ARHGEF40: variants seen among roughly 807,000 people sequenced by gnomAD.
ARHGEF40 encodes the protein Rho guanine nucleotide exchange factor 40.
Under a neutral mutation model 165.9 loss-of-function variants are expected in ARHGEF40, and 98 were observed. The observed-to-expected ratio is 0.59, with a 90% confidence interval of 0.50 to 0.70. The LOEUF (loss-of-function observed/expected upper bound fraction) is 0.70. Ranked by LOEUF, ARHGEF40 falls within the 30% of genes least tolerant of loss-of-function variation. The probability of loss-of-function intolerance (pLI) is 0.00; values close to 1 mark genes in which losing one functional copy is unlikely to be tolerated. For synonymous variants in ARHGEF40, 792 were observed against 814.3 expected (o/e 0.97, Z 0.47); for missense variants, 1,815 against 1,968.0 (o/e 0.92, Z 1.47).
upstream of ARHGEF40, chr14:21,070,210 A>C: frequency 2.8e-6 from 1 of 351,478 alleles, no homozygotes; most frequent in Non-Finnish European, 4.3e-6. The surrounding 1 kb of genome is among the most constrained non-coding windows in gnomAD (Gnocchi z 4.7). Flanking sequence ...CGGGGCGGGG[A>C]GGGGCGGCCG....
intron 12 of ARHGEF40, 38 bp downstream of exon 12, chr14:21,080,820 G>A: frequency 1.2e-6 from 2 of 1,603,570 alleles, no homozygotes; most frequent in East Asian, 2.2e-5. Flanking sequence ...AGGAGGCAGG[G>A]GGAGACTACC....
rs549325811 is a variant in ARHGEF40 at position 21,088,889 on chromosome 14, C to T, written c.*5+13C>T. On this transcript the variant is annotated intron_variant, in intron 23 of 23. Coordinates refer to ENST00000298694, the MANE Select transcript of ARHGEF40 (RefSeq NM_018071.5). ...CTCTGTGACCTGGGTGAGTCAGCAT[C>T]CCCAATTTCTACCACATCCAGCACT... 1.9e-6 allele frequency: 3 copies of T among 1,611,268 alleles called. No individual in the cohort carries two copies. The highest frequency in any genetic ancestry group is 2.2e-5 in the East Asian group (1 of 44,700).
chr14:21,069,695 T>C (rs1222472440), upstream of ARHGEF40, among the ~76,000 whole-genome samples: 1 of 152,048 alleles, frequency 6.6e-6, no homozygotes, highest in Non-Finnish European at 1.5e-5. Flanking sequence ...CCCGAGGAGA[T>C]GGAGGGAAAG....
rs747969167 is a variant in ARHGEF40, at chr14:21,085,838, GCTGTGGAGACAGGCAGCC to G, written c.4112_4129del (p.Leu1371_Ala1376del). 6.2e-7 allele frequency: 1 copy of G among 1,614,130 alleles called. No homozygotes were observed. Among genetic ancestry groups the G allele is most frequent in the Non-Finnish European group, 8.5e-7 (1 of 1,180,036 alleles). ...AGTGGACAAGTTCTATTGCCCAGCTGCTGTGGAGACAGGCAGCCCACAACAAGGGTACTGGGCAGAGCT... is the reference window on the plus strand; with the variant it reads ...AGTGGACAAGTTCTATTGCCCAGCTGCACAACAAGGGTACTGGGCAGAGCT... On this transcript the variant is annotated inframe_deletion, in exon 19 of 24. Transcript: ENST00000298694.
Position 21,073,064 on chromosome 14 carries a change from A to G in ARHGEF40, c.23A>G (p.Asp8Gly), listed in dbSNP as rs765582145. Residue 8 changes from aspartate (D) to glycine (G), a missense_variant, in exon 2 of 24, where the codon GAC (aspartate) becomes GGC (glycine). Transcript: ENST00000298694. This position sits in a 1 kb window ranked among gnomAD's most constrained non-coding sequence, Gnocchi z 4.6. The stretch of plus-strand genomic sequence containing the variant: ...CTACAGGAGCCTGAGCCAGTGGAGG[A>G]CTGTGTGCAGAGCACTCTCGCCGCC... MEPEPVEDCVQSTLAALY... is the reference protein window; with the variant it reads MEPEPVEGCVQSTLAALY... The G allele has an allele frequency of 2.5e-6, 4 of 1,614,006 alleles. No individual in the cohort carries two copies. The South Asian group carries it at 3.3e-5, about 13-fold the overall frequency.
At chr14:21,061,584 C>A in the ARHGEF40 span, among the ~76,000 whole-genome samples, 6 of 152,096 alleles carry the variant, frequency 3.9e-5, no homozygotes, top group African/African-American at 1.4e-4. Flanking sequence ...GTTCTCTGGG[C>A]CCCTGAGAAC....
Position 21,072,996 on chromosome 14 carries a change from C to G in ARHGEF40, c.4-49C>G. Reference sequence around the variant, plus strand: ...CAGACCAGTGCAGCTCCCAAGGAGCCATGATTGGGTGATCTCTAGGGATCT... The same window carrying G: ...CAGACCAGTGCAGCTCCCAAGGAGCGATGATTGGGTGATCTCTAGGGATCT... On this transcript the variant is annotated intron_variant, in intron 1 of 23. Coordinates refer to ENST00000298694, the MANE Select transcript of ARHGEF40 (RefSeq NM_018071.5). This position sits in a 1 kb window ranked among gnomAD's most constrained non-coding sequence, Gnocchi z 4.1. The G allele has an allele frequency of 6.4e-7, 1 of 1,574,218 alleles. No individual in the cohort carries two copies. The highest frequency in any genetic ancestry group is 2.3e-5 in the East Asian group (1 of 44,330).
At chr14:21,067,673 G>A (rs1010561590), upstream of ARHGEF40, among the ~76,000 whole-genome samples, 16 of 151,946 alleles carry the variant, frequency 1.1e-4, no homozygotes, top group Admixed American at 2.0e-4. Context: ...TCTATTCCCA[G>A]CCTCTAATTT....
At chr14:21,068,838 C>T (rs1050273500), upstream of ARHGEF40, among the ~76,000 whole-genome samples, 2 of 152,256 alleles carry the variant, frequency 1.3e-5, no homozygotes, top group Non-Finnish European at 2.9e-5. Flanking sequence ...TGAACACTTG[C>T]TCTGTCCTTT....
At chr14:21,083,780 T>C in intron 16 of ARHGEF40, 55 bp from the exon 17 acceptor site, 2 of 1,506,632 alleles carry the variant, frequency 1.3e-6, no homozygotes, top group Non-Finnish European at 1.8e-6. Context: ...ACCCCTGAGC[T>C]TGGCCCCCAG....
Position 21,070,709 on chromosome 14 carries a change from C to A in ARHGEF40, c.3+310C>A. 2 of 1,210,078 alleles carry A rather than the reference C, an allele frequency of 1.7e-6. No homozygotes were observed. Among genetic ancestry groups the A allele is most frequent in the Non-Finnish European group, 2.3e-6 (2 of 859,932 alleles). The allele number at this position is 1,210,078 out of a possible 1,614,324, so 75.0% of individuals were successfully genotyped here. On this transcript the variant is annotated intron_variant, in intron 1 of 23. Coordinates refer to ENST00000298694, the MANE Select transcript of ARHGEF40 (RefSeq NM_018071.5). This position sits in a 1 kb window ranked among gnomAD's most constrained non-coding sequence, Gnocchi z 4.7. ...CCTCCTCTGTCCTGACCTGTGCCTT[C>A]CTTTCCTGGAGCTTCCCTCCCCCTC...
chr14:21,083,463 T>A (rs936059021), intron 16 of ARHGEF40, among the ~76,000 whole-genome samples: 3 of 151,336 alleles, frequency 2.0e-5, no homozygotes, highest in African/African-American at 4.9e-5. Flanking sequence ...GGCAGAAGAA[T>A]GGCGTGAACC....
Position 21,087,391 on chromosome 14 carries a change from C to T in ARHGEF40, c.4315C>T (p.Pro1439Ser), listed in dbSNP as rs770811232. 5.0e-6 allele frequency: 8 copies of T among 1,603,216 alleles called. No homozygotes were observed. Among genetic ancestry groups the T allele is most frequent in the East Asian group, 2.2e-5 (1 of 44,876 alleles). The change falls in exon 21 of 24, where the codon CCG (proline) becomes TCG (serine). Residue 1439 changes from proline (P) to serine (S), a missense_variant. Physicochemically the swap from Pro to Ser is moderately conservative, Grantham distance 74. Coordinates refer to ENST00000298694, the MANE Select transcript of ARHGEF40 (RefSeq NM_018071.5). ...CGGCCCCTCCCTTCCCGGCCTTTCG[C>T]CGGGAGCCTGCTCCCTGCCTGCCCG... ...HAGPSLPGLS[P>S]GACSLPARVE...
upstream of ARHGEF40, among the ~76,000 whole-genome samples, chr14:21,069,380 GC>G (rs1333977160): frequency 6.6e-6 from 1 of 152,192 alleles, no homozygotes; most frequent in East Asian, 1.9e-4. Context: ...GGACTCTATA[GC>G]CACCCCAACA....
chr14:21,083,014 C>T, intron 16 of ARHGEF40, 97 bp downstream of exon 16: 1 of 1,028,684 alleles, frequency 9.7e-7, no homozygotes, highest in Admixed American at 2.0e-5. Context: ...CTGGATATGC[C>T]CAGGAACATC....
chr14:21,080,105 T>C (rs2139239116), intron 11 of ARHGEF40, among the ~76,000 whole-genome samples: 1 of 151,906 alleles, frequency 6.6e-6, no homozygotes, highest in Non-Finnish European at 1.5e-5. Context: ...CTTCCAGCCT[T>C]TCTTCAGAGG....
In ARHGEF40 at chr14:21,073,874, C is replaced by T. The variant is rs1303770571; in HGVS notation, c.202-58C>T. 3.9e-6 allele frequency: 6 copies of T among 1,542,660 alleles called. No individual in the cohort carries two copies. The African/African-American group carries it at 8.1e-5, about 21-fold the overall frequency. On this transcript the variant is annotated intron_variant, in intron 2 of 23. Coordinates refer to ENST00000298694, the MANE Select transcript of ARHGEF40 (RefSeq NM_018071.5). This position sits in a 1 kb window ranked among gnomAD's most constrained non-coding sequence, Gnocchi z 4.6. ...CTAGGGTGGGCCCATTCTAACTGCC[C>T]TCTCCTGCTGGTTTCTTCAGCAGAG...
rs1263496417 is a variant in ARHGEF40, at chr14:21,082,491, C to G, written c.3486+13C>G. 1 of 1,562,818 alleles carries G rather than the reference C, an allele frequency of 6.4e-7. No homozygotes were observed. Among genetic ancestry groups the G allele is most frequent in the Non-Finnish European group, 8.7e-7 (1 of 1,153,066 alleles). ...CTTCCTTCGCCACGTGAGTGATCCC[C>G]TCAACTTCTTCCAAGTGCTCTCCCT... On this transcript the variant is annotated intron_variant, in intron 15 of 23. Coordinates refer to ENST00000298694, the MANE Select transcript of ARHGEF40 (RefSeq NM_018071.5).
rs766012050 is a variant in ARHGEF40, at chr14:21,085,728, G to A, written c.4000G>A (p.Gly1334Arg). 7 of 1,614,030 alleles carry A rather than the reference G, an allele frequency of 4.3e-6. No homozygotes were observed. Among genetic ancestry groups the A allele is most frequent in the Admixed American group, 1.7e-5 (1 of 60,002 alleles). ...MGLTENIGDS[G>R]LCFELWFRRR... The stretch of plus-strand genomic sequence containing the variant: ...GCTGACAGAAAACATCGGGGACAGC[G>A]GACTCTGCTTTGAGTTGTGGTTTCG... The change falls in exon 19 of 24, where the codon GGA becomes AGA. Residue 1334 changes from glycine (G) to arginine (R), a missense_variant. By Grantham distance (125) the Gly-to-Arg change is moderately radical (BLOSUM62 -2). Transcript: ENST00000298694.
Sources: allele counts gnomAD v4.1 joint callset (sites outside exome capture counted in the v4.1 genomes callset), GRCh38; gene constraint gnomAD v4.1.1; non-coding constraint Gnocchi (gnomAD v3.1); transcripts MANE v1.5; gene names NCBI Gene and HGNC (gene_info 2026-07-23, HGNC 2026-07-21).